Variants in ASTN1 observed in about 807,000 individuals in gnomAD.
The protein encoded by ASTN1 is astrotactin-1.
In ASTN1, 41 loss-of-function variants were observed where a neutral mutation model predicts 140.7. The ratio of observed to expected loss-of-function variants is 0.29; its 90% CI spans 0.23 to 0.38. The LOEUF (loss-of-function observed/expected upper bound fraction) is 0.38, where lower values mean the gene tolerates loss of function less well. Ranked by LOEUF, ASTN1 falls within the 10% of genes least tolerant of loss-of-function variation. The probability of loss-of-function intolerance (pLI) is 1.00; values close to 1 mark genes in which losing one functional copy is unlikely to be tolerated. For synonymous variants in ASTN1, 640 were observed against 652.2 expected, an observed-to-expected ratio of 0.98 and a Z score of 0.29; for missense variants, 1,479 against 1,678.8, an observed-to-expected ratio of 0.88 and a Z score of 2.08.
chr1:177,022,348 C>T (rs1317026974), intron 7 of ASTN1, among the ~76,000 whole-genome samples: 1 of 152,184 alleles, frequency 6.6e-6, no homozygotes, highest in Non-Finnish European at 1.5e-5. Context: ...TTAGATATCA[C>T]TTTAACGCTT....
intron 17 of ASTN1, among the ~76,000 whole-genome samples, chr1:176,890,932 C>A (rs1413751400): frequency 6.6e-6 from 1 of 152,078 alleles, no homozygotes; most frequent in Non-Finnish European, 1.5e-5. Flanking sequence ...GAGGCTGAGG[C>A]AGGAGAATCT....
intron 2 of ASTN1, among the ~76,000 whole-genome samples, chr1:177,037,613 G>A (rs914013324): frequency 1.3e-5 from 2 of 152,162 alleles, no homozygotes; most frequent in Admixed American, 6.5e-5. Flanking sequence ...CTGGATTCAG[G>A]CAACAAGTAA....
chr1:177,050,181 A>C (rs572280180), intron 2 of ASTN1, among the ~76,000 whole-genome samples: 13 of 152,322 alleles, frequency 8.5e-5, no homozygotes, highest in African/African-American at 2.9e-4. Context: ...TCTTCCTCAG[A>C]CAAGATGCAG....
At chr1:176,871,353 C>A (rs1668336602) in intron 21 of ASTN1, among the ~76,000 whole-genome samples, 1 of 152,182 alleles carries the variant, frequency 6.6e-6, no homozygotes, top group African/African-American at 2.4e-5. Context: ...ATAGGCAGAT[C>A]TGGACTTCCT....
intron 5 of ASTN1, among the ~76,000 whole-genome samples, chr1:177,027,015 A>T (rs1481258656): frequency 1.3e-5 from 2 of 152,120 alleles, no homozygotes; most frequent in African/African-American, 4.8e-5. Context: ...ATTATTTCCT[A>T]AGAAAACCAC....
rs112899859 is a variant in ASTN1, at chr1:177,129,645, C to T, written c.283+34749G>A. ...GACGTGCTAAAAGTCATGCTATATT[C>T]TCTTCCTTGCATTCCATCTTCTAAT... On this transcript the variant is annotated intron_variant, in intron 1 of 22. Coordinates refer to ENST00000361833, the MANE Select transcript of ASTN1 (RefSeq NM_004319.3). Among the ~76,000 whole-genome samples, 372 of 152,332 alleles carry T rather than the reference C, an allele frequency of 2.4e-3. 1 individual carries two copies. Among genetic ancestry groups the T allele is most frequent in the African/African-American group, 8.1e-3 (336 of 41,580 alleles).
intron 1 of ASTN1, among the ~76,000 whole-genome samples, chr1:177,135,150 A>T (rs1260609789): frequency 6.6e-6 from 1 of 152,164 alleles, no homozygotes; most frequent in Non-Finnish European, 1.5e-5. Context: ...ATTTCTCAGC[A>T]GCAAGAAATG....
At chr1:177,090,951 G>A (rs1034186538) in intron 1 of ASTN1, among the ~76,000 whole-genome samples, 1 of 151,794 alleles carries the variant, frequency 6.6e-6, no homozygotes, top group Non-Finnish European at 1.5e-5. Flanking sequence ...GGGCTGGGGG[G>A]CTAAACACAA....
rs972580022 is a variant in ASTN1 at position 176,861,580 on chromosome 1, T to C, written c.*2704A>G. The C allele has an allele frequency of 1.0e-6, 1 of 985,632 alleles. No individual in the cohort carries two copies. The allele number at this position is 985,632 out of a possible 1,614,324, so 61.1% of individuals were successfully genotyped here. On this transcript the variant is annotated 3_prime_UTR_variant, in exon 23 of 23. Coordinates refer to ENST00000361833, the MANE Select transcript of ASTN1 (RefSeq NM_004319.3). The stretch of plus-strand genomic sequence containing the variant: ...AAGGGGAAAAAATCCTCCAGTCAAT[T>C]GTACAACCATCCTAAGATTTTCCCC...
intron 8 of ASTN1, among the ~76,000 whole-genome samples, chr1:177,006,230 G>A (rs1229621653): frequency 3.3e-5 from 5 of 152,038 alleles, no homozygotes; most frequent in Non-Finnish European, 5.9e-5. Flanking sequence ...TTCTTTATAC[G>A]TTACCCTATT....
rs1287357782 is a variant in ASTN1 at position 176,888,075 on chromosome 1, G to C, written c.3070C>G (p.Pro1024Ala). ...AAGAGAGAAAGAGAACCATACACAG[G>C]CTGTGGGAGAGGCGCACAGGTGGGG... is the stretch of plus-strand genomic sequence containing the variant. Reference protein sequence around the residue: ...GLPTCAPLPQPVLRLSTVHEP... With the variant: ...GLPTCAPLPQAVLRLSTVHEP... The change falls in exon 18 of 23, where the codon CCT becomes GCT. Residue 1024 changes from proline to alanine, a missense_variant. Pro to Ala is a conservative substitution (Grantham distance 27, BLOSUM62 -1). Transcript: ENST00000361833. The C allele has an allele frequency of 6.2e-6, 10 of 1,614,090 alleles. No individual in the cohort carries two copies. The highest frequency in any genetic ancestry group is 7.6e-6 in the Non-Finnish European group (9 of 1,180,026).
chr1:176,992,447 A>G (rs1171097026), intron 8 of ASTN1, among the ~76,000 whole-genome samples: 1 of 152,204 alleles, frequency 6.6e-6, no homozygotes, highest in Non-Finnish European at 1.5e-5. Context: ...GTTGTAAAAA[A>G]AAATGAGTTG....
chr1:177,033,956 T>C (rs1676581948), intron 2 of ASTN1, among the ~76,000 whole-genome samples: 2 of 152,120 alleles, frequency 1.3e-5, no homozygotes, highest in South Asian at 4.2e-4. Context: ...CCCTTTATTT[T>C]GGTCAATATC....
chr1:177,056,300 A>C (rs1284638453), intron 2 of ASTN1, among the ~76,000 whole-genome samples: 1 of 152,090 alleles, frequency 6.6e-6, no homozygotes, highest in Non-Finnish European at 1.5e-5. Context: ...TTGTCTCCAA[A>C]TCTTGTTCCC....
intron 8 of ASTN1, among the ~76,000 whole-genome samples, chr1:177,003,798 G>A (rs1016942340): frequency 6.7e-6 from 1 of 149,792 alleles, no homozygotes; most frequent in African/African-American, 2.5e-5. Context: ...GGCAACAAGA[G>A]CAAGACTCTG....
At chr1:176,943,856 G>A in intron 14 of ASTN1, 35 bp downstream of exon 14, 1 of 1,549,754 alleles carries the variant, frequency 6.5e-7, no homozygotes, top group Non-Finnish European at 8.7e-7. Context: ...CTGCCTGTTT[G>A]TGCCAGTTGA....
chr1:176,885,020 C>T (rs1266050693), intron 18 of ASTN1, among the ~76,000 whole-genome samples: 1 of 152,224 alleles, frequency 6.6e-6, no homozygotes, highest in African/African-American at 2.4e-5. Context: ...GGGAACTAAC[C>T]TATCCTTTTC....
intron 1 of ASTN1, among the ~76,000 whole-genome samples, chr1:177,075,529 T>C (rs903162762): frequency 6.6e-6 from 1 of 152,092 alleles, no homozygotes; most frequent in Non-Finnish European, 1.5e-5. Context: ...TTTGGTTTTT[T>C]ATAACAAGCT....
chr1:176,947,514 G>A (rs1274117497), intron 12 of ASTN1, among the ~76,000 whole-genome samples: 1 of 152,176 alleles, frequency 6.6e-6, no homozygotes, highest in Admixed American at 6.5e-5. Flanking sequence ...ACACACGTGT[G>A]TCTGATTCTT....
Sources: gnomAD v4.1 joint callset for allele counts (sites outside exome capture counted in the v4.1 genomes callset) on GRCh38, gnomAD v4.1.1 for gene constraint, MANE v1.5 for transcripts, NCBI Gene and HGNC (gene_info 2026-07-23, HGNC 2026-07-21) for gene names.